The following ZBBX variants were observed in gnomAD, a reference collection of about 807,000 sequenced individuals.
ZBBX encodes the protein zinc finger B-box domain-containing protein 1.
In ZBBX, 101 loss-of-function variants were observed where a neutral mutation model predicts 108.5. That is an observed-to-expected ratio of 0.93 (90% CI 0.79 to 1.10). ZBBX has a LOEUF of 1.10. Among genes scored for constraint, ZBBX ranks in the 50% least tolerant of loss-of-function variants. The pLI is 0.00. For missense variants in ZBBX, 1,009 were observed against 941.4 expected, an observed-to-expected ratio of 1.07 and a Z score of -0.94; for synonymous variants, 356 against 323.4, an observed-to-expected ratio of 1.10 and a Z score of -1.08.
chr3:167,391,750 T>C (rs914920080), intron 1 of ZBBX, among the ~76,000 whole-genome samples: 1 of 151,858 alleles, frequency 6.6e-6, no homozygotes, highest in Non-Finnish European at 1.5e-5. Context: ...ATACTTTACA[T>C]ACAATAAATC....
In ZBBX at chr3:167,304,093, G is replaced by GCTTATTTAAGTTCTTTTTATTTCTTCCTT. The variant is rs1733178113; in HGVS notation, c.1725+1549_1725+1550insAAGGAAGAAATAAAAAGAACTTAAATAAG. The stretch of plus-strand genomic sequence containing the variant: ...CTTCATAAATGGAGCAGTCCATACT[G>GCTTATTTAAGTTCTTTTTATTTCTTCCTT]TCTTATTCTTAAGTTCTTTTTATTT... On this transcript the variant is annotated intron_variant, in intron 17 of 21. Transcript: ENST00000675490. Among the ~76,000 whole-genome samples the GCTTATTTAAGTTCTTTTTATTTCTTCCTT allele has an allele frequency of 5.9e-5, 9 of 152,172 alleles. No homozygotes were observed. The South Asian group carries it at 1.9e-3, about 32-fold the overall frequency.
the ZBBX span, among the ~76,000 whole-genome samples, chr3:167,202,857 G>A: frequency 1.3e-5 from 2 of 152,034 alleles, no homozygotes; most frequent in Admixed American, 6.6e-5. Context: ...GACCAACTGA[G>A]GGACCCATTA....
At chr3:167,302,569 A>G (rs1560095253) in intron 17 of ZBBX, among the ~76,000 whole-genome samples, 2 of 152,140 alleles carry the variant, frequency 1.3e-5, no homozygotes, top group East Asian at 3.9e-4. Flanking sequence ...TATTCTAATT[A>G]CTTATATGAT....
In ZBBX at chr3:167,254,887, T is replaced by TGAGAGAGAGAGAGAGAATGAGA. The variant is rs1553782902; in HGVS notation, c.2255-12245_2255-12244insTCTCATTCTCTCTCTCTCTCTC. On this transcript the variant is annotated intron_variant, in intron 20 of 21. Coordinates refer to ENST00000675490, the MANE Select transcript of ZBBX (RefSeq NM_001199201.2). ...AGCCTGTCACATGTGTGTGTGTGTG[T>TGAGAGAGAGAGAGAGAATGAGA]GAGAGAGAGAGAGAATGAGAGAGAG... Among the ~76,000 whole-genome samples the TGAGAGAGAGAGAGAGAATGAGA allele has an allele frequency of 1.1e-4, 15 of 141,368 alleles. No homozygotes were observed. In the Middle Eastern group the frequency reaches 0.011, roughly 100 times the overall value. The allele number at this position is 141,368 out of a possible 152,430, so 92.7% of individuals were successfully genotyped here. A position where few individuals can be genotyped will look rare whatever the true frequency, so the allele number is the denominator to read the frequency against.
intron 1 of ZBBX, among the ~76,000 whole-genome samples, chr3:167,403,272 A>G (rs1748481816): frequency 1.3e-5 from 2 of 152,164 alleles, no homozygotes; most frequent in Admixed American, 6.6e-5. Context: ...GTGCTAAAAG[A>G]AAACAACTAA....
At chr3:167,383,353 C>T (rs1434360964), upstream of ZBBX, among the ~76,000 whole-genome samples, 2 of 152,096 alleles carry the variant, frequency 1.3e-5, no homozygotes, top group Middle Eastern at 6.8e-3. Flanking sequence ...CTAAATATAA[C>T]ATCCTATTAC....
the ZBBX span, among the ~76,000 whole-genome samples, chr3:167,191,932 T>TAGAGAGAGAGAGAGAG: frequency 1.2e-4 from 16 of 128,030 alleles, no homozygotes; most frequent in African/African-American, 4.8e-4. Context: ...TATATATATA[T>TAGAGAGAGAGAGAGAG]ATAGAGCAAG....
At chr3:167,371,644 C>T (rs1371209499) in intron 4 of ZBBX, among the ~76,000 whole-genome samples, 1 of 152,102 alleles carries the variant, frequency 6.6e-6, no homozygotes, top group Admixed American at 6.5e-5. Context: ...AGACACGTGG[C>T]CCTGAAATAT....
At chr3:167,237,311 T>C (rs185438088), downstream of ZBBX, among the ~76,000 whole-genome samples, 40 of 152,030 alleles carry the variant, frequency 2.6e-4, no homozygotes, top group East Asian at 5.2e-3. Context: ...GTCTGCAGCA[T>C]GTGCATGTCC....
At chr3:167,250,985 C>T (rs1186836535) in intron 20 of ZBBX, among the ~76,000 whole-genome samples, 2 of 152,138 alleles carry the variant, frequency 1.3e-5, no homozygotes, top group Non-Finnish European at 2.9e-5. Context: ...CGGAAAAAGA[C>T]ACAAGTAGCT....
downstream of ZBBX, among the ~76,000 whole-genome samples, chr3:167,238,018 C>T (rs1005633970): frequency 6.6e-5 from 10 of 151,890 alleles, no homozygotes; most frequent in Non-Finnish European, 1.0e-4. Flanking sequence ...ATAAATCAAA[C>T]CCAGAGGAAC....
chr3:167,196,980 T>A, the ZBBX span, among the ~76,000 whole-genome samples: 1 of 152,164 alleles, frequency 6.6e-6, no homozygotes, highest in South Asian at 2.1e-4. Context: ...ATTTCTTTCT[T>A]CAAGGACAAT....
chr3:167,324,301 T>G lies in ZBBX; in HGVS notation c.863-2064A>C, dbSNP rs1034077624. Among the ~76,000 whole-genome samples the G allele has an allele frequency of 2.0e-5, 3 of 152,060 alleles. No individual in the cohort carries two copies. The East Asian group carries it at 5.8e-4, about 29-fold the overall frequency. On this transcript the variant is annotated intron_variant, in intron 11 of 21. Coordinates refer to ENST00000675490, the MANE Select transcript of ZBBX (RefSeq NM_001199201.2). ...CTAGGACTATAGGTTCACATTATCA[T>G]GTATGACTTTTCTTTAAATTTTGTG...
the ZBBX span, among the ~76,000 whole-genome samples, chr3:167,190,348 C>A: frequency 6.7e-6 from 1 of 149,938 alleles, no homozygotes; most frequent in African/African-American, 2.4e-5. Context: ...AAATACATAA[C>A]ATTTCTCTTA....
the ZBBX span, among the ~76,000 whole-genome samples, chr3:167,213,174 T>C: frequency 6.6e-6 from 1 of 152,196 alleles, no homozygotes; most frequent in Non-Finnish European, 1.5e-5. Flanking sequence ...TTTTCAACAA[T>C]GGTTCTTAAC....
chr3:167,220,057 C>CA, the ZBBX span, among the ~76,000 whole-genome samples: 1 of 151,748 alleles, frequency 6.6e-6, no homozygotes, highest in African/African-American at 2.4e-5. Flanking sequence ...TGAAAAAATC[C>CA]AAAACCGGAA....
intron 19 of ZBBX, among the ~76,000 whole-genome samples, chr3:167,284,371 T>A (rs1729352250): frequency 6.6e-6 from 1 of 151,352 alleles, no homozygotes; most frequent in Non-Finnish European, 1.5e-5. Context: ...AGTCAGAGAG[T>A]GTAACAATAA....
At chr3:167,350,294 T>C in intron 9 of ZBBX, 126 bp downstream of exon 9, 1 of 637,466 alleles carries the variant, frequency 1.6e-6, no homozygotes, top group Non-Finnish European at 2.7e-6. Flanking sequence ...ATTGTCTGTA[T>C]ATAATAGAAT....
chr3:167,280,639 C>T (rs1426768545), intron 20 of ZBBX, among the ~76,000 whole-genome samples: 5 of 150,642 alleles, frequency 3.3e-5, no homozygotes, highest in African/African-American at 7.3e-5. Context: ...AATAGGAACA[C>T]TTTTACACTG....
Sources: allele counts gnomAD v4.1 joint callset (sites outside exome capture counted in the v4.1 genomes callset), GRCh38; gene constraint gnomAD v4.1.1; transcripts MANE v1.5; gene names NCBI Gene and HGNC (gene_info 2026-07-23, HGNC 2026-07-21).